SLC35F3: variants seen among roughly 807,000 people sequenced by gnomAD.
The protein encoded by SLC35F3 is putative thiamine transporter SLC35F3.
In SLC35F3, 25 loss-of-function variants were observed where a neutral mutation model predicts 49.9. The observed-to-expected ratio is 0.50, with a 90% CI of 0.37 to 0.70. The LOEUF is 0.70. SLC35F3 is among the 30% of genes least tolerant of loss of function. SLC35F3 has a pLI of 0.00. For missense variants in SLC35F3, 525 were observed against 639.8 expected (o/e 0.82, Z 1.94); for synonymous variants, 275 against 265.4 (o/e 1.04, Z -0.35).
intron 2 of SLC35F3, among the ~76,000 whole-genome samples, chr1:234,190,933 G>A (rs1666721168): frequency 6.7e-6 from 1 of 148,796 alleles, no homozygotes; most frequent in Non-Finnish European, 1.5e-5. Context: ...GGCTAGCATG[G>A]GGAAGAAGAA....
intron 3 of SLC35F3, among the ~76,000 whole-genome samples, chr1:234,296,133 CCT>C (rs1558101913): frequency 1.3e-5 from 2 of 152,164 alleles, no homozygotes; most frequent in Non-Finnish European, 2.9e-5. Flanking sequence ...GCGCTGTTTC[CCT>C]CTGTTTTGCG....
Position 234,214,599 on chromosome 1 carries a change from G to T in SLC35F3, c.284-16818G>T. On this transcript the variant is annotated intron_variant, in intron 2 of 7. Transcript: ENST00000366618. The surrounding 1 kb of genome is among the most constrained non-coding windows in gnomAD (Gnocchi z 8.0). ...GGTAATGCGCGGCCGCCTCGCCCCGGGGGTCCCTGCACCCTAGCCGGGGAA... is the reference window on the plus strand; with the variant it reads ...GGTAATGCGCGGCCGCCTCGCCCCGTGGGTCCCTGCACCCTAGCCGGGGAA... 1 of 1,521,868 alleles carries T rather than the reference G, an allele frequency of 6.6e-7. No homozygotes were observed. Among genetic ancestry groups the T allele is most frequent in the Non-Finnish European group, 8.8e-7 (1 of 1,135,044 alleles). The allele number at this position is 1,521,868 out of a possible 1,614,324, so 94.3% of individuals were successfully genotyped here.
intron 2 of SLC35F3, among the ~76,000 whole-genome samples, chr1:234,161,936 T>C (rs1226603766): frequency 6.6e-6 from 1 of 152,174 alleles, no homozygotes; most frequent in Non-Finnish European, 1.5e-5. Context: ...CACCCATTTA[T>C]GGCCTCAAAG....
At chr1:234,322,650 C>CCTGTGTGTGTGT in intron 7 of SLC35F3, among the ~76,000 whole-genome samples, 1 of 144,968 alleles carries the variant, frequency 6.9e-6, no homozygotes, top group African/African-American at 2.6e-5. Flanking sequence ...GGGTCAAATG[C>CCTGTGTGTGTGT]GTGTGTGTGT....
In SLC35F3 at chr1:234,168,287, A is replaced by G. The variant is rs548680793; in HGVS notation, c.284-63130A>G. Among the ~76,000 whole-genome samples the G allele has an allele frequency of 3.9e-5, 6 of 152,358 alleles. No individual in the cohort carries two copies. In the East Asian group the frequency reaches 1.2e-3, roughly 29 times the overall value. ...GCGTGGCACTGAGCTTCTCAGAGAA[A>G]CTGTGATGGCCGGGGTACTCCCCCA... On this transcript the variant is annotated intron_variant, in intron 2 of 7. Coordinates refer to ENST00000366618, the MANE Select transcript of SLC35F3 (RefSeq NM_173508.4).
chr1:234,049,776 A>G (rs1319131195), intron 2 of SLC35F3, among the ~76,000 whole-genome samples: 1 of 152,010 alleles, frequency 6.6e-6, no homozygotes, highest in East Asian at 1.9e-4. Context: ...TCCTAATGCT[A>G]TCCCTCCCCA....
At chr1:234,247,535 G>T (rs992763469) in intron 3 of SLC35F3, among the ~76,000 whole-genome samples, 1 of 152,036 alleles carries the variant, frequency 6.6e-6, no homozygotes, top group Admixed American at 6.5e-5. Flanking sequence ...CCATTGTTCA[G>T]TGGGTTGGTT....
chr1:234,019,012 G>A (rs963199270), intron 2 of SLC35F3, among the ~76,000 whole-genome samples: 6 of 152,188 alleles, frequency 3.9e-5, no homozygotes, highest in Admixed American at 1.3e-4. Flanking sequence ...GCTACCTTTG[G>A]CCAGGCACAT....
At chr1:234,117,766 A>G (rs1558234178) in intron 2 of SLC35F3, among the ~76,000 whole-genome samples, 1 of 150,890 alleles carries the variant, frequency 6.6e-6, no homozygotes, top group Non-Finnish European at 1.5e-5. Flanking sequence ...GGCGCCTGTA[A>G]TCCCAGCTAC....
At chr1:233,929,253 C>T (rs1662206252) in intron 2 of SLC35F3, among the ~76,000 whole-genome samples, 1 of 152,146 alleles carries the variant, frequency 6.6e-6, no homozygotes, top group Non-Finnish European at 1.5e-5. Context: ...TGTCATAGAC[C>T]AAGTCTCTTA....
chr1:233,947,503 G>A (rs766131745), intron 2 of SLC35F3, among the ~76,000 whole-genome samples: 6 of 151,336 alleles, frequency 4.0e-5, no homozygotes, highest in Middle Eastern at 6.5e-3. Flanking sequence ...CTCCCAGGAG[G>A]GATTTCCATG....
intron 2 of SLC35F3, among the ~76,000 whole-genome samples, chr1:234,017,684 A>T (rs919097525): frequency 7.0e-5 from 10 of 142,646 alleles, no homozygotes; most frequent in African/African-American, 2.5e-4. Context: ...ACTGTACTCC[A>T]GCCTGGGAGA....
At chr1:234,277,854 G>C (rs1209986782) in intron 3 of SLC35F3, among the ~76,000 whole-genome samples, 2 of 152,216 alleles carry the variant, frequency 1.3e-5, no homozygotes, top group Non-Finnish European at 2.9e-5. Context: ...TGACAAAGAA[G>C]TTATTAACTC....
chr1:234,214,475 G>C lies in SLC35F3; in HGVS notation c.284-16942G>C, dbSNP rs568779054. 4 of 1,519,672 alleles carry C rather than the reference G, an allele frequency of 2.6e-6. No individual in the cohort carries two copies. The highest frequency in any genetic ancestry group is 2.7e-5 in the East Asian group (1 of 36,520). 94.1% of individuals were successfully genotyped at this position (1,519,672 alleles called of 1,614,324 possible). On this transcript the variant is annotated intron_variant, in intron 2 of 7. Coordinates refer to ENST00000366618, the MANE Select transcript of SLC35F3 (RefSeq NM_173508.4). The surrounding 1 kb of genome is among the most constrained non-coding windows in gnomAD (Gnocchi z 8.0). ...CAGGATGTAGGCGATCGGCGGCAGC[G>C]CTCCTGCAGGCGGCCGGCTCATCAT... is the stretch of plus-strand genomic sequence containing the variant.
intron 2 of SLC35F3, among the ~76,000 whole-genome samples, chr1:233,910,730 T>C (rs1045783983): frequency 6.6e-6 from 1 of 152,256 alleles, no homozygotes; most frequent in African/African-American, 2.4e-5. Context: ...GGGGTCATGC[T>C]TATTGCTTAA....
intron 3 of SLC35F3, among the ~76,000 whole-genome samples, chr1:234,247,410 C>T (rs1168222484): frequency 6.6e-6 from 1 of 151,254 alleles, no homozygotes; most frequent in Non-Finnish European, 1.5e-5. Context: ...TTGGCTGGTC[C>T]ATTGTTTGGT....
chr1:233,905,161 G>C (rs753867412), intron 1 of SLC35F3, 31 bp downstream of exon 1: 16 of 1,549,742 alleles, frequency 1.0e-5, no homozygotes, highest in Non-Finnish European at 1.4e-5. Flanking sequence ...GGGTGAGCGA[G>C]CCGGCGGGCG....
chr1:233,979,199 G>A (rs1663140590), intron 2 of SLC35F3, among the ~76,000 whole-genome samples: 1 of 152,180 alleles, frequency 6.6e-6, no homozygotes, highest in African/African-American at 2.4e-5. Flanking sequence ...GCTCCTTTCT[G>A]TGCTTCAGGA....
At chr1:233,937,083 A>G (rs527994432) in intron 2 of SLC35F3, among the ~76,000 whole-genome samples, 3 of 152,278 alleles carry the variant, frequency 2.0e-5, no homozygotes, top group Admixed American at 6.5e-5. Flanking sequence ...ATCTACCCCC[A>G]TGAATCTAGC....
Sources: allele counts gnomAD v4.1 joint callset (sites outside exome capture counted in the v4.1 genomes callset), GRCh38; gene constraint gnomAD v4.1.1; non-coding constraint Gnocchi (gnomAD v3.1); transcripts MANE v1.5; gene names NCBI Gene and HGNC (gene_info 2026-07-23, HGNC 2026-07-21).